Variants in TPTE2 observed in about 807,000 individuals in gnomAD.
TPTE2 encodes the protein phosphatidylinositol 3,4,5-trisphosphate 3-phosphatase TPTE2.
Under a neutral mutation model 78.6 loss-of-function variants are expected in TPTE2, and 53 were observed. That is an observed-to-expected ratio of 0.67 (90% CI 0.54 to 0.85). TPTE2 has a LOEUF of 0.85. Ranked by LOEUF, TPTE2 falls within the 40% of genes least tolerant of loss-of-function variation. The pLI, the probability that TPTE2 is intolerant of heterozygous loss-of-function variation, is 0.00. For synonymous variants in TPTE2, 175 were observed against 206.2 expected (o/e 0.85, Z 1.30); for missense variants, 461 against 623.0 (o/e 0.74, Z 2.77).
At chr13:19,451,843 G>GTGTA (rs1555249617) in intron 10 of TPTE2, among the ~76,000 whole-genome samples, 6,128 of 147,010 alleles carry the variant, frequency 0.042, 174 homozygotes, top group Non-Finnish European at 0.06. Flanking sequence ...GTGTGTGTGT[G>GTGTA]TATATATGTA....
At chr13:19,484,935 G>T (rs1335175679) in intron 3 of TPTE2, among the ~76,000 whole-genome samples, 1 of 152,110 alleles carries the variant, frequency 6.6e-6, no homozygotes, top group African/African-American at 2.4e-5. Context: ...AATCCACTCA[G>T]TAAGTCTATA....
intron 1 of TPTE2, among the ~76,000 whole-genome samples, chr13:19,510,774 A>C (rs192160939): frequency 1.3e-5 from 2 of 152,368 alleles, no homozygotes; most frequent in African/African-American, 4.8e-5. Flanking sequence ...TAAATTAACA[A>C]GACAAAGACA....
chr13:19,481,527 A>G (rs1415155477), intron 4 of TPTE2, among the ~76,000 whole-genome samples: 1 of 152,222 alleles, frequency 6.6e-6, no homozygotes, highest in Non-Finnish European at 1.5e-5. Context: ...GGACTACTGC[A>G]AATTCCTCCT....
intron 10 of TPTE2, among the ~76,000 whole-genome samples, chr13:19,456,299 A>G (rs1483618539): frequency 6.6e-6 from 1 of 152,120 alleles, no homozygotes; most frequent in Admixed American, 6.6e-5. Context: ...CAGTGAGACC[A>G]GAGAGACTCC....
At chr13:19,431,314 T>G (rs1195604580) in intron 16 of TPTE2, among the ~76,000 whole-genome samples, 1 of 152,120 alleles carries the variant, frequency 6.6e-6, no homozygotes, top group Non-Finnish European at 1.5e-5. Flanking sequence ...AAATATAGGA[T>G]AGTTATATCC....
At chr13:19,559,451 C>CT in the TPTE2 span, among the ~76,000 whole-genome samples, 4,161 of 151,336 alleles carry the variant, frequency 0.027, 155 homozygotes, top group African/African-American at 0.082. Context: ...CTCCTACCCC[C>CT]GAGGAGGCTG....
At chr13:19,544,754 T>G in the TPTE2 span, among the ~76,000 whole-genome samples, 2 of 152,070 alleles carry the variant, frequency 1.3e-5, no homozygotes, top group Non-Finnish European at 2.9e-5. Flanking sequence ...AAAAATTAAT[T>G]GGGCATGGTG....
At chr13:19,425,749 C>T (rs542010318) in intron 18 of TPTE2, 9 of 516,942 alleles carry the variant, frequency 1.7e-5, no homozygotes, top group Admixed American at 7.8e-5. Context: ...CCCTCTCTCT[C>T]GCTATTGCTC....
At chr13:19,432,514 C>CGAT (rs1566036946) in exon 16 of TPTE2, 1 of 1,605,772 alleles carries the variant, frequency 6.2e-7, no homozygotes, top group Non-Finnish European at 8.5e-7. Context: ...AAAGAGTATC[C>CGAT]GTCTTGGAGG....
intron 14 of TPTE2, among the ~76,000 whole-genome samples, chr13:19,437,738 G>A (rs1003335211): frequency 1.3e-5 from 2 of 151,992 alleles, no homozygotes; most frequent in African/African-American, 2.4e-5. Context: ...ATCAGGTCTT[G>A]TCTTTATTTA....
chr13:19,489,263 A>G lies in TPTE2; in HGVS notation c.119+3587T>C, dbSNP rs151272451. ...AATTATTAAAATGTGACAGAGACACAAGGTGAGAACATGCTGTTGGAAAAA... is the reference window on the plus strand; with the variant it reads ...AATTATTAAAATGTGACAGAGACACGAGGTGAGAACATGCTGTTGGAAAAA... On this transcript the variant is annotated intron_variant, in intron 3 of 19. Transcript: ENST00000400230. Among the ~76,000 whole-genome samples the G allele has an allele frequency of 2.9e-3, 438 of 152,306 alleles. 3 individuals carry two copies. Among genetic ancestry groups the G allele is most frequent in the African/African-American group, 9.9e-3 (411 of 41,574 alleles).
At chr13:19,540,774 T>C (rs764489033), upstream of TPTE2, among the ~76,000 whole-genome samples, 17 of 152,240 alleles carry the variant, frequency 1.1e-4, no homozygotes, top group Non-Finnish European at 1.9e-4. Context: ...TGCTAGCATA[T>C]AGAAATGCAA....
At chr13:19,505,435 C>T (rs1054129433), upstream of TPTE2, among the ~76,000 whole-genome samples, 1 of 152,076 alleles carries the variant, frequency 6.6e-6, no homozygotes, top group African/African-American at 2.4e-5. Flanking sequence ...GTCACCATGC[C>T]TGGCCAGTGG....
At chr13:19,502,847 A>C (rs947742889) in intron 1 of TPTE2, among the ~76,000 whole-genome samples, 2 of 134,764 alleles carry the variant, frequency 1.5e-5, no homozygotes, top group African/African-American at 5.9e-5. Flanking sequence ...TGTTGAAGCC[A>C]AAAAAAAAAA....
At chr13:19,533,426 T>C (rs1194900105) in intron 1 of TPTE2, among the ~76,000 whole-genome samples, 1 of 152,234 alleles carries the variant, frequency 6.6e-6, no homozygotes, top group East Asian at 1.9e-4. Context: ...GAGGAATATA[T>C]AATAAAGATT....
intron 13 of TPTE2, among the ~76,000 whole-genome samples, chr13:19,441,331 G>A (rs1006956787): frequency 1.3e-5 from 2 of 151,850 alleles, no homozygotes; most frequent in African/African-American, 4.8e-5. Flanking sequence ...CTCAGTACCT[G>A]GGTGATGCGA....
At chr13:19,481,263 A>C (rs1240751838) in intron 4 of TPTE2, among the ~76,000 whole-genome samples, 1 of 152,212 alleles carries the variant, frequency 6.6e-6, no homozygotes, top group Non-Finnish European at 1.5e-5. Context: ...AAACCTATTT[A>C]CAGAACTACA....
chr13:19,495,376 G>A (rs1180030493), intron 1 of TPTE2, among the ~76,000 whole-genome samples: 3 of 152,050 alleles, frequency 2.0e-5, no homozygotes, highest in East Asian at 1.9e-4. Flanking sequence ...TCTCCTTCTC[G>A]CTGCAAGCAG....
chr13:19,460,298 A>T (rs1878805523), intron 10 of TPTE2, among the ~76,000 whole-genome samples: 1 of 152,198 alleles, frequency 6.6e-6, no homozygotes, highest in African/African-American at 2.4e-5. Context: ...CTTGGCTGGG[A>T]GTCGGGTTTC....
Sources: allele counts gnomAD v4.1 joint callset (sites outside exome capture counted in the v4.1 genomes callset), GRCh38; gene constraint gnomAD v4.1.1; transcripts MANE v1.5; gene names NCBI Gene and HGNC (gene_info 2026-07-23, HGNC 2026-07-21).